The following PDE4D variants were observed in gnomAD, a reference collection of about 807,000 sequenced individuals.
PDE4D encodes phosphodiesterase 4D.
Under a neutral mutation model 87.4 loss-of-function variants are expected in PDE4D, and 24 were observed. That is an observed-to-expected ratio of 0.27 (90% CI 0.20 to 0.39). The LOEUF (loss-of-function observed/expected upper bound fraction) is 0.39, where lower values mean the gene tolerates loss of function less well. PDE4D is among the 10% of genes least tolerant of loss of function. The probability of loss-of-function intolerance (pLI) is 1.00; values close to 1 mark genes in which losing one functional copy is unlikely to be tolerated. For synonymous variants in PDE4D, 384 were observed against 383.2 expected, an observed-to-expected ratio of 1.00 and a Z score of -0.02; for missense variants, 714 against 1,041.0, an observed-to-expected ratio of 0.69 and a Z score of 4.32.
intron 1 of PDE4D, among the ~76,000 whole-genome samples, chr5:59,623,876 A>G (rs951324971): frequency 1.4e-4 from 21 of 152,274 alleles, no homozygotes; most frequent in African/African-American, 5.1e-4. Context: ...CTGTCAATAG[A>G]AAATAATAAT....
chr5:59,548,210 C>T (rs1441003706), intron 1 of PDE4D, among the ~76,000 whole-genome samples: 1 of 152,086 alleles, frequency 6.6e-6, no homozygotes, highest in African/African-American at 2.4e-5. Context: ...TTATTTGCAA[C>T]TAAAGGAGAA....
At position 59,994,921 on chromosome 5, in the gene PDE4D, C is replaced by T. The variant is rs150937543; in HGVS notation, c.43-6204G>A. Among the ~76,000 whole-genome samples, 72 of 152,186 alleles carry T rather than the reference C, an allele frequency of 4.7e-4. No individual in the cohort carries two copies. In the East Asian group the frequency reaches 0.01, roughly 22 times the overall value. On this transcript the variant is annotated intron_variant, in intron 2 of 16. Coordinates refer to the PDE4D transcript ENST00000502484. ...CACCTACTACCTTTGATGCTTGTGT[C>T]GGGTACTGAAAATGCAGAGATGAAT... is the stretch of plus-strand genomic sequence containing the variant.
intron 1 of PDE4D, among the ~76,000 whole-genome samples, chr5:60,471,971 T>G (rs144428796): frequency 1.5e-3 from 228 of 152,154 alleles, no homozygotes; most frequent in Non-Finnish European, 2.5e-3. Flanking sequence ...GATAGTCTGG[T>G]AGGTGGAACA....
intron 3 of PDE4D, among the ~76,000 whole-genome samples, chr5:59,943,194 A>G (rs937288845): frequency 8.6e-6 from 1 of 116,322 alleles, no homozygotes; most frequent in Admixed American, 9.6e-5. Flanking sequence ...AAAGGTAACA[A>G]TTATTATTAT....
chr5:60,431,697 G>A (rs1355652137), intron 1 of PDE4D, among the ~76,000 whole-genome samples: 3 of 152,204 alleles, frequency 2.0e-5, no homozygotes, highest in South Asian at 2.1e-4. Flanking sequence ...CTGCAATCTC[G>A]ACACTTTGGG....
intron 4 of PDE4D, among the ~76,000 whole-genome samples, chr5:59,184,176 G>A (rs985389699): frequency 6.6e-6 from 1 of 152,196 alleles, no homozygotes; most frequent in Admixed American, 6.5e-5. Flanking sequence ...CAGGCTGAGA[G>A]AATAGGACTG....
chr5:59,167,632 C>T (rs1038300550), intron 5 of PDE4D, among the ~76,000 whole-genome samples: 1 of 152,166 alleles, frequency 6.6e-6, no homozygotes, highest in Non-Finnish European at 1.5e-5. Context: ...ACAATCTCAC[C>T]TGCATCTGCT....
chr5:59,517,272 T>C (rs1811336285), intron 1 of PDE4D, among the ~76,000 whole-genome samples: 1 of 152,226 alleles, frequency 6.6e-6, no homozygotes, highest in African/African-American at 2.4e-5. Context: ...TAACCTTGCA[T>C]AAAATGCATG....
At chr5:59,319,190 G>T (rs1351665605) in intron 1 of PDE4D, among the ~76,000 whole-genome samples, 1 of 147,030 alleles carries the variant, frequency 6.8e-6, no homozygotes, top group East Asian at 2.1e-4. Context: ...GTGTGTGTGT[G>T]TGTGTTTTCC....
intron 1 of PDE4D, among the ~76,000 whole-genome samples, chr5:59,373,851 C>G (rs1220493481): frequency 6.6e-6 from 1 of 152,074 alleles, no homozygotes; most frequent in Non-Finnish European, 1.5e-5. Context: ...ACTCTACAAG[C>G]CAGAAAAGAT....
At chr5:60,171,567 T>C (rs1783431218) in intron 2 of PDE4D, among the ~76,000 whole-genome samples, 1 of 152,108 alleles carries the variant, frequency 6.6e-6, no homozygotes, top group Non-Finnish European at 1.5e-5. Flanking sequence ...GAAACTCACA[T>C]AGGCTTTATA....
intron 1 of PDE4D, among the ~76,000 whole-genome samples, chr5:59,608,214 A>G (rs1828487078): frequency 6.6e-6 from 1 of 152,122 alleles, no homozygotes; most frequent in Non-Finnish European, 1.5e-5. Flanking sequence ...GTGAAATCAG[A>G]GAGTGCTGAC....
intron 1 of PDE4D, among the ~76,000 whole-genome samples, chr5:59,734,032 T>A (rs1017580694): frequency 6.6e-6 from 1 of 152,010 alleles, no homozygotes; most frequent in Admixed American, 6.6e-5. Flanking sequence ...TTTAATGAAA[T>A]AGATTATCAG....
chr5:59,157,159 C>G (rs1328598991), intron 5 of PDE4D: 10 of 578,354 alleles, frequency 1.7e-5, no homozygotes, highest in Non-Finnish European at 3.1e-5. Flanking sequence ...CATTGCTTCA[C>G]AATTTTTTTT....
intron 1 of PDE4D, among the ~76,000 whole-genome samples, chr5:59,539,126 T>C (rs960652255): frequency 9.9e-5 from 15 of 152,208 alleles, no homozygotes; most frequent in African/African-American, 3.4e-4. Context: ...ACTGGACCTC[T>C]GGCTTCACAA....
chr5:60,103,839 A>AT (rs1194365151), intron 2 of PDE4D, among the ~76,000 whole-genome samples: 1 of 152,168 alleles, frequency 6.6e-6, no homozygotes. Flanking sequence ...CAAAATATGA[A>AT]TTAAAAAAAT....
chr5:60,237,031 TATG>T lies in PDE4D; in HGVS notation c.-89-51347_-89-51345del, dbSNP rs549043381. On this transcript the variant is annotated intron_variant, in intron 1 of 16. Coordinates refer to the PDE4D transcript ENST00000502484. ...CCATCAGAGAAATGCAAATTAAGAC[TATG>T]ATAAGACATCACTACACACCTCTTT... Among the ~76,000 whole-genome samples, 161 of 152,004 alleles carry T rather than the reference TATG, an allele frequency of 1.1e-3. 1 individual carries two copies. Among genetic ancestry groups the T allele is most frequent in the African/African-American group, 3.8e-3 (159 of 41,512 alleles).
intron 1 of PDE4D, among the ~76,000 whole-genome samples, chr5:59,274,163 T>C (rs1764365674): frequency 6.6e-6 from 1 of 152,122 alleles, no homozygotes; most frequent in Non-Finnish European, 1.5e-5. Flanking sequence ...CCAAATTTGT[T>C]TGCAGATGCA....
chr5:59,583,786 T>C (rs1824623071), intron 1 of PDE4D, among the ~76,000 whole-genome samples: 1 of 152,202 alleles, frequency 6.6e-6, no homozygotes, highest in Non-Finnish European at 1.5e-5. Context: ...TTACTACTTC[T>C]GGTAAAATTT....
Sources: allele counts gnomAD v4.1 joint callset (sites outside exome capture counted in the v4.1 genomes callset), GRCh38; gene constraint gnomAD v4.1.1; transcripts MANE v1.5; gene names NCBI Gene and HGNC (gene_info 2026-07-23, HGNC 2026-07-21).